NELL1: variants seen among roughly 807,000 people sequenced by gnomAD.
NELL1 encodes neural EGFL like 1.
A neutral mutation model predicts 107.4 loss-of-function variants in NELL1; 76 were observed. The ratio of observed to expected loss-of-function variants is 0.71; its 90% CI spans 0.59 to 0.86. The LOEUF (loss-of-function observed/expected upper bound fraction) is 0.86. NELL1 is among the 40% of genes least tolerant of loss of function. NELL1 has a pLI of 0.00. For missense variants in NELL1, 1,024 were observed against 1,005.5 expected, an observed-to-expected ratio of 1.02 and a Z score of -0.25; for synonymous variants, 353 against 341.2, an observed-to-expected ratio of 1.03 and a Z score of -0.38.
At chr11:20,674,450 T>C in intron 1 of NELL1, 3 of 1,508,838 alleles carry the variant, frequency 2.0e-6, no homozygotes, top group Non-Finnish European at 2.7e-6. Flanking sequence ...ACCAGTATCT[T>C]TTTACACACG....
At chr11:21,234,719 A>G (rs1858156979) in intron 14 of NELL1, among the ~76,000 whole-genome samples, 1 of 152,146 alleles carries the variant, frequency 6.6e-6, no homozygotes, top group African/African-American at 2.4e-5. Context: ...TTTCTGTTTG[A>G]TGAGTTGCTG....
intron 2 of NELL1, among the ~76,000 whole-genome samples, chr11:20,735,009 G>C (rs1259986354): frequency 1.3e-5 from 2 of 152,104 alleles, no homozygotes; most frequent in Non-Finnish European, 2.9e-5. Flanking sequence ...AAGTACTGGG[G>C]AGTGAGATAG....
chr11:21,124,718 CA>C (rs1222612489), intron 13 of NELL1, among the ~76,000 whole-genome samples: 1 of 151,982 alleles, frequency 6.6e-6, no homozygotes, highest in African/African-American at 2.4e-5. Context: ...TCTCCTGCCT[CA>C]GCCTCCCAAG....
chr11:21,090,591 C>G (rs917749467), intron 12 of NELL1, among the ~76,000 whole-genome samples: 1 of 152,126 alleles, frequency 6.6e-6, no homozygotes, highest in Non-Finnish European at 1.5e-5. Context: ...TTGAGCAAGA[C>G]AAATTAGGAG....
At chr11:20,844,564 A>C (rs370199143) in intron 3 of NELL1, among the ~76,000 whole-genome samples, 4 of 152,152 alleles carry the variant, frequency 2.6e-5, no homozygotes, top group African/African-American at 9.7e-5. Context: ...TGAGGGGTAG[A>C]TTGCTCACTA....
chr11:21,130,689 C>G (rs1855595720), intron 13 of NELL1, among the ~76,000 whole-genome samples: 1 of 152,184 alleles, frequency 6.6e-6, no homozygotes, highest in Admixed American at 6.5e-5. Context: ...AATATTAGAG[C>G]CATGACCTTT....
rs57107373 is a variant in NELL1, at chr11:20,880,908, A to T, written c.507-4536A>T. Among the ~76,000 whole-genome samples, 414 of 152,234 alleles carry T rather than the reference A, an allele frequency of 2.7e-3. 1 individual carries two copies. The highest frequency in any genetic ancestry group is 9.5e-3 in the African/African-American group (393 of 41,526). On this transcript the variant is annotated intron_variant, in intron 4 of 19. Transcript: ENST00000357134. ...TAAAGGGAAAGAGACAGCATGGAAGATACCTGAGGGAGTTTTTAAATTATT... is the reference window on the plus strand; with the variant it reads ...TAAAGGGAAAGAGACAGCATGGAAGTTACCTGAGGGAGTTTTTAAATTATT...
chr11:21,437,150 A>G (rs917031051), intron 15 of NELL1, among the ~76,000 whole-genome samples: 6 of 152,080 alleles, frequency 3.9e-5, no homozygotes, highest in African/African-American at 1.4e-4. Flanking sequence ...TGAAGTTTTA[A>G]TTCAATATTT....
chr11:21,247,854 C>T (rs534538869), intron 14 of NELL1, among the ~76,000 whole-genome samples: 12 of 152,126 alleles, frequency 7.9e-5, no homozygotes, highest in South Asian at 6.2e-4. Flanking sequence ...CACTGGGCTA[C>T]GACATTATGA....
In NELL1 at chr11:21,505,237, T is replaced by C. The variant is rs529411066; in HGVS notation, c.1646-29137T>C. On this transcript the variant is annotated intron_variant, in intron 15 of 19. Transcript: ENST00000357134. ...TAGTGCCTCAGAAAACCATTACTTA[T>C]CTATGCAGTAATCCTACCTATAAGA... Among the ~76,000 whole-genome samples the C allele has an allele frequency of 2.0e-4, 30 of 152,318 alleles. No homozygotes were observed. In the South Asian group the frequency reaches 5.2e-3, roughly 26 times the overall value.
chr11:20,669,769 G>T lies in NELL1; in HGVS notation c.46G>T (p.Ala16Ser). ...ILVVWFCVCT[A>S]RTVVGFGMDP... ...AGTTGTGTGGTTCTGTGTGTGCACTGCCAGGACAGGTAAGCATGACTGTGG... is the reference window on the plus strand; with the variant it reads ...AGTTGTGTGGTTCTGTGTGTGCACTTCCAGGACAGGTAAGCATGACTGTGG... Residue 16 changes from alanine (A) to serine (S), a missense_variant, in exon 1 of 20, where the codon GCC (alanine) becomes TCC (serine). Physicochemically the swap from Ala to Ser is moderately conservative, Grantham distance 99. Transcript: ENST00000357134. The surrounding 1 kb of genome is among the most constrained non-coding windows in gnomAD (Gnocchi z 4.4). 2 of 1,613,454 alleles carry T rather than the reference G, an allele frequency of 1.2e-6. No homozygotes were observed. Among genetic ancestry groups the T allele is most frequent in the Non-Finnish European group, 1.7e-6 (2 of 1,179,520 alleles).
intron 5 of NELL1, among the ~76,000 whole-genome samples, chr11:20,903,138 C>A (rs979717690): frequency 6.6e-6 from 1 of 151,830 alleles, no homozygotes; most frequent in Non-Finnish European, 1.5e-5. Context: ...GGGTGATAAT[C>A]CACATATATA....
chr11:21,259,008 T>C (rs1373667739), intron 14 of NELL1, among the ~76,000 whole-genome samples: 3 of 151,810 alleles, frequency 2.0e-5, no homozygotes, highest in African/African-American at 4.8e-5. Flanking sequence ...CCAGCAAAAA[T>C]AGAACGTCCC....
chr11:20,878,358 C>CAAAAAAAAAA (rs58962461), intron 4 of NELL1, among the ~76,000 whole-genome samples: 11 of 95,744 alleles, frequency 1.1e-4, no homozygotes, highest in African/African-American at 2.9e-4. Context: ...GACCCCGTCT[C>CAAAAAAAAAA]AAAAAAAAAA....
chr11:21,466,993 C>CAT (rs1430706174), intron 15 of NELL1, among the ~76,000 whole-genome samples: 1 of 152,002 alleles, frequency 6.6e-6, no homozygotes, highest in Non-Finnish European at 1.5e-5. Context: ...TTATATGTGA[C>CAT]ATGGAGTATT....
At chr11:20,953,585 C>T (rs1448897146) in intron 11 of NELL1, among the ~76,000 whole-genome samples, 1 of 152,156 alleles carries the variant, frequency 6.6e-6, no homozygotes, top group African/African-American at 2.4e-5. Context: ...ACTGGTCATT[C>T]ATGGCAACAG....
At chr11:21,372,658 G>A (rs1345072586) in intron 15 of NELL1, among the ~76,000 whole-genome samples, 1 of 151,290 alleles carries the variant, frequency 6.6e-6, no homozygotes, top group South Asian at 2.1e-4. Flanking sequence ...ATATTCTTGG[G>A]CCACCTCTCC....
rs562322089 is a variant in NELL1 at position 21,119,093 on chromosome 11, A to G, written c.1426+5379A>G. On this transcript the variant is annotated intron_variant, in intron 13 of 19. Coordinates refer to ENST00000357134, the MANE Select transcript of NELL1 (RefSeq NM_006157.5). ...TTAGGCAATATCTTCAAATGAGAAA[A>G]CTCAAATGTTCATTCACCATCAAAA... is the stretch of plus-strand genomic sequence containing the variant. Among the ~76,000 whole-genome samples, 3 of 152,074 alleles carry G rather than the reference A, an allele frequency of 2.0e-5. No individual in the cohort carries two copies. The East Asian group carries it at 5.8e-4, about 29-fold the overall frequency.
At chr11:20,713,218 A>G (rs1215450832) in intron 2 of NELL1, among the ~76,000 whole-genome samples, 3 of 152,098 alleles carry the variant, frequency 2.0e-5, no homozygotes, top group Admixed American at 2.0e-4. Context: ...GGGCAGGTCT[A>G]CAAAGCTCCG....
Sources: allele counts gnomAD v4.1 joint callset (sites outside exome capture counted in the v4.1 genomes callset), GRCh38; gene constraint gnomAD v4.1.1; non-coding constraint Gnocchi (gnomAD v3.1); transcripts MANE v1.5; gene names NCBI Gene and HGNC (gene_info 2026-07-23, HGNC 2026-07-21).